The following COL14A1 variants were observed in gnomAD, a reference collection of about 807,000 sequenced individuals.
COL14A1 encodes the protein collagen alpha-1(XIV) chain.
Under a neutral mutation model 230.3 loss-of-function variants are expected in COL14A1, and 136 were observed. The ratio of observed to expected loss-of-function variants is 0.59; its 90% CI spans 0.51 to 0.68. The LOEUF (loss-of-function observed/expected upper bound fraction) is 0.68. COL14A1 is among the 30% of genes least tolerant of loss of function. COL14A1 has a pLI of 0.00. For missense variants in COL14A1, 1,976 were observed against 2,215.8 expected, an observed-to-expected ratio of 0.89 and a Z score of 2.17; for synonymous variants, 792 against 784.1, an observed-to-expected ratio of 1.01 and a Z score of -0.17.
In COL14A1 at chr8:120,293,052, C is replaced by T. The variant is rs531416112; in HGVS notation, c.4236+3286C>T. On this transcript the variant is annotated intron_variant, in intron 34 of 47. Transcript: ENST00000297848. Reference sequence around the variant, plus strand: ...AACAACTGTGCTTCTCCTTTCCAAACTTTTTTCTCCTAAAAAGTTTCTCCT... The same window carrying T: ...AACAACTGTGCTTCTCCTTTCCAAATTTTTTTCTCCTAAAAAGTTTCTCCT... Among the ~76,000 whole-genome samples, 449 of 152,140 alleles carry T rather than the reference C, an allele frequency of 3.0e-3. 2 individuals are homozygous for T. The highest frequency in any genetic ancestry group is 9.8e-3 in the African/African-American group (408 of 41,562).
At chr8:120,308,938 A>G (rs912806845) in intron 36 of COL14A1, among the ~76,000 whole-genome samples, 4 of 152,066 alleles carry the variant, frequency 2.6e-5, no homozygotes, top group Non-Finnish European at 4.4e-5. Flanking sequence ...AACAGAATCT[A>G]GCTAAATTTT....
intron 9 of COL14A1, among the ~76,000 whole-genome samples, chr8:120,206,284 A>G (rs1405896914): frequency 6.6e-6 from 1 of 152,184 alleles, no homozygotes; most frequent in East Asian, 1.9e-4. Flanking sequence ...AGATGAGATA[A>G]AAAAAACTTC....
At chr8:120,345,323 C>G in intron 44 of COL14A1, 52 bp from the exon 45 acceptor site, 1 of 1,502,450 alleles carries the variant, frequency 6.7e-7, no homozygotes, top group Middle Eastern at 1.7e-4. Context: ...CTGGTCCTCT[C>G]TTTCCTTGTG....
intron 15 of COL14A1, 120 bp downstream of exon 15, chr8:120,225,334 C>T: frequency 1.2e-6 from 1 of 815,964 alleles, no homozygotes; most frequent in South Asian, 2.0e-5. Context: ...ATTTTTATTT[C>T]TTTTATGTTA....
At chr8:120,243,117 C>T (rs1818654509) in intron 19 of COL14A1, among the ~76,000 whole-genome samples, 1 of 152,184 alleles carries the variant, frequency 6.6e-6, no homozygotes, top group African/African-American at 2.4e-5. Context: ...GTGGTTTTAG[C>T]ACTGAGAACA....
At chr8:120,298,699 G>C (rs1296996013) in intron 35 of COL14A1, among the ~76,000 whole-genome samples, 1 of 140,562 alleles carries the variant, frequency 7.1e-6, no homozygotes, top group African/African-American at 2.7e-5. Context: ...GGACAACCAT[G>C]TCATGGTTGG....
At chr8:120,365,761 G>C (rs1823387824) in intron 45 of COL14A1, among the ~76,000 whole-genome samples, 2 of 152,228 alleles carry the variant, frequency 1.3e-5, no homozygotes, top group Non-Finnish European at 2.9e-5. Context: ...AGGCATGGTG[G>C]TTTGTGCCCT....
rs189954139 is a variant in COL14A1, at chr8:120,200,581, A to G, written c.877+1015A>G. On this transcript the variant is annotated intron_variant, in intron 8 of 47. Transcript: ENST00000297848. The stretch of plus-strand genomic sequence containing the variant: ...GAAGGGGCCTGGGAATACGTGTTTT[A>G]AAACCATACCCAGTTCTGTACCTTA... Among the ~76,000 whole-genome samples the G allele has an allele frequency of 4.7e-3, 705 of 151,332 alleles. 4 individuals are homozygous for G. The highest frequency in any genetic ancestry group is 0.015 in the African/African-American group (618 of 41,358).
intron 8 of COL14A1, among the ~76,000 whole-genome samples, chr8:120,200,749 AT>A (rs1817219856): frequency 1.3e-5 from 1 of 78,132 alleles, no homozygotes; most frequent in African/African-American, 5.2e-5. Context: ...ATATATATAT[AT>A]ATATATATAT....
chr8:120,282,418 C>T (rs904641128), intron 31 of COL14A1, among the ~76,000 whole-genome samples: 3 of 152,120 alleles, frequency 2.0e-5, no homozygotes, highest in East Asian at 1.9e-4. Context: ...TTCCTTAATC[C>T]GGTCAAGTTG....
intron 17 of COL14A1, 89 bp downstream of exon 17, chr8:120,227,441 T>G (rs780806418): frequency 9.2e-6 from 14 of 1,513,904 alleles, no homozygotes; most frequent in Middle Eastern, 2.4e-4. Flanking sequence ...GCTTTATCTT[T>G]GGCTATGTAA....
intron 2 of COL14A1, among the ~76,000 whole-genome samples, chr8:120,156,314 C>T (rs1429799283): frequency 6.6e-6 from 1 of 152,058 alleles, no homozygotes; most frequent in African/African-American, 2.4e-5. Context: ...GGACTACAGG[C>T]GTGTGCCACC....
intron 1 of COL14A1, among the ~76,000 whole-genome samples, chr8:120,128,974 T>C (rs1814439748): frequency 6.6e-6 from 1 of 152,152 alleles, no homozygotes; most frequent in Non-Finnish European, 1.5e-5. Flanking sequence ...TAAAGATCTA[T>C]TTCTGGGTGG....
chr8:120,300,187 A>C (rs1001017844), intron 35 of COL14A1, among the ~76,000 whole-genome samples: 1 of 152,144 alleles, frequency 6.6e-6, no homozygotes, highest in African/African-American at 2.4e-5. Flanking sequence ...TCAGATCTAC[A>C]CTGTGATGTT....
In COL14A1 at chr8:120,269,441, T is replaced by G. The variant is rs1273789233; in HGVS notation, c.3074-594T>G. 9.2e-5 allele frequency among the ~76,000 whole-genome samples: 14 copies of G among 151,818 alleles called. No homozygotes were observed. In the Admixed American group the frequency reaches 9.2e-4, roughly 10 times the overall value. On this transcript the variant is annotated intron_variant, in intron 25 of 47. Coordinates refer to ENST00000297848, the MANE Select transcript of COL14A1 (RefSeq NM_021110.4). ...CTTGGCTAGCATTAGTGTACATTTC[T>G]TGACATATATCAGTGGGCTATAGAA...
intron 40 of COL14A1, among the ~76,000 whole-genome samples, chr8:120,318,063 T>G (rs185594852): frequency 6.6e-6 from 1 of 152,288 alleles, no homozygotes; most frequent in Non-Finnish European, 1.5e-5. Context: ...GCAATATCAT[T>G]TCAATGTGCA....
At chr8:120,279,552 GAA>G (rs34439316) in intron 28 of COL14A1, among the ~76,000 whole-genome samples, 21,540 of 136,604 alleles carry the variant, frequency 0.16, 1,618 homozygotes, top group Non-Finnish European at 0.18. Flanking sequence ...TTCTACTTCT[GAA>G]AAAAAAAAAA....
intron 4 of COL14A1, among the ~76,000 whole-genome samples, chr8:120,167,070 T>C (rs952357165): frequency 6.6e-6 from 1 of 152,078 alleles, no homozygotes; most frequent in Non-Finnish European, 1.5e-5. Context: ...CTTTTAAAAT[T>C]TTGTTTTATA....
intron 3 of COL14A1, 48 bp from the exon 4 acceptor site, chr8:120,162,378 A>T: frequency 6.6e-7 from 1 of 1,513,560 alleles, no homozygotes; most frequent in Non-Finnish European, 8.9e-7. Flanking sequence ...TAATGTACAC[A>T]GTGGACCTTA....
Sources: gnomAD v4.1 joint callset for allele counts (sites outside exome capture counted in the v4.1 genomes callset) on GRCh38, gnomAD v4.1.1 for gene constraint, MANE v1.5 for transcripts, NCBI Gene and HGNC (gene_info 2026-07-23, HGNC 2026-07-21) for gene names.